The following ANK2 variants were observed in gnomAD, a reference collection of about 807,000 sequenced individuals.
ANK2 encodes the protein ankyrin-2.
Under a neutral mutation model 360.5 loss-of-function variants are expected in ANK2, and 83 were observed. The ratio of observed to expected loss-of-function variants is 0.23; its 90% CI spans 0.19 to 0.28. The LOEUF is 0.28. Among genes scored for constraint, ANK2 ranks in the 10% least tolerant of loss-of-function variants. The pLI is 1.00. For missense variants in ANK2, 4,201 were observed against 4,795.7 expected, an observed-to-expected ratio of 0.88 and a Z score of 3.66; for synonymous variants, 1,740 against 1,759.5, an observed-to-expected ratio of 0.99 and a Z score of 0.28.
intron 1 of ANK2, among the ~76,000 whole-genome samples, chr4:113,074,034 C>T (rs184181429): frequency 4.6e-5 from 7 of 152,122 alleles, no homozygotes; most frequent in African/African-American, 9.6e-5. Flanking sequence ...ACAGAGTGAA[C>T]GTTTGATGGC....
At position 113,355,013 on chromosome 4, in the gene ANK2, C is replaced by T; in HGVS notation, c.6395C>T (p.Thr2132Ile). 1.2e-6 allele frequency: 2 copies of T among 1,614,020 alleles called. No individual in the cohort carries two copies. Among genetic ancestry groups the T allele is most frequent in the Non-Finnish European group, 1.7e-6 (2 of 1,179,978 alleles). ...CTACAGATCAGCCCAGATAGGAAAACCTCCACTGACTTCTCTGAGGTCATT... is the reference window on the plus strand; with the variant it reads ...CTACAGATCAGCCCAGATAGGAAAATCTCCACTGACTTCTCTGAGGTCATT... The part of the protein sequence containing the change: ...MDLQISPDRK[T>I]STDFSEVIKQ... The change falls in exon 38 of 46, where the codon ACC becomes ATC. Residue 2132 changes from threonine (T) to isoleucine (I), a missense_variant. Physicochemically the swap from Thr to Ile is moderately conservative, Grantham distance 89. Around this residue, in one of 4 missense-constraint regions of ANK2, gnomAD observed 2,642 missense variants for 2,714.5 expected, o/e 0.97. Transcript: ENST00000357077.
chr4:113,181,012 C>A (rs1324863588), intron 2 of ANK2, among the ~76,000 whole-genome samples: 1 of 152,148 alleles, frequency 6.6e-6, no homozygotes, highest in Non-Finnish European at 1.5e-5. Context: ...TAACACCTGT[C>A]TAATATTTTG....
At position 113,277,850 on chromosome 4, in the gene ANK2, C is replaced by T. The variant is rs2153698360; in HGVS notation, c.1697C>T (p.Pro566Leu). 6.2e-7 allele frequency: 1 copy of T among 1,613,318 alleles called. No individual in the cohort carries two copies. The highest frequency in any genetic ancestry group is 8.5e-7 in the Non-Finnish European group (1 of 1,179,316). The change falls in exon 16 of 46, where the codon CCC (proline) becomes CTC (leucine). Residue 566 changes from proline (P) to leucine (L), a missense_variant. Around this residue, in one of 4 missense-constraint regions of ANK2, gnomAD observed 1,268 missense variants for 1,650.8 expected, o/e 0.77. Transcript: ENST00000357077. ...HSLATKKGFT[P>L]LHVAAKYGSL... ...TCACATTTTCAGAAGGGTTTTACTC[C>T]CCTGCATGTAGCAGCCAAGTATGGA... is the stretch of plus-strand genomic sequence containing the variant.
chr4:112,788,644 C>T, the ANK2 span: 167 of 1,601,662 alleles, frequency 1.0e-4, no homozygotes, highest in Non-Finnish European at 1.3e-4. Context: ...TGGTTAATCG[C>T]AGGAGGCACT....
intron 2 of ANK2, among the ~76,000 whole-genome samples, chr4:112,993,273 C>A (rs555097746): frequency 2.6e-5 from 4 of 151,890 alleles, no homozygotes; most frequent in Admixed American, 2.0e-4. Context: ...CAGAGCAAGA[C>A]CCTGTCTCAA....
Position 113,356,645 on chromosome 4 carries a change from G to T in ANK2, c.8027G>T (p.Gly2676Val). Residue 2676 changes from glycine (G) to valine (V), a missense_variant, in exon 38 of 46, where the codon GGT becomes GTT. Physicochemically the swap from Gly to Val is moderately radical, Grantham distance 109. This residue lies in a region of ANK2 where 2,642 missense variants were observed against 2,714.5 expected (regional missense o/e 0.97). Transcript: ENST00000357077. The stretch of plus-strand genomic sequence containing the variant: ...CCTGAGTTGGCACAGCTTAAAAAAG[G>T]TGCTGACTCAGGCCTTTTACCAGAA... ...SEPELAQLKK[G>V]ADSGLLPEPV... 1 of 1,614,076 alleles carries T rather than the reference G, an allele frequency of 6.2e-7. No individual in the cohort carries two copies. The highest frequency in any genetic ancestry group is 8.5e-7 in the Non-Finnish European group (1 of 1,179,952).
At chr4:112,783,931 G>A in the ANK2 span, among the ~76,000 whole-genome samples, 19 of 152,172 alleles carry the variant, frequency 1.2e-4, no homozygotes, top group African/African-American at 4.3e-4. Flanking sequence ...TTACAGGCGT[G>A]AGCCACCGCG....
At chr4:113,297,927 G>A (rs916687810) in intron 22 of ANK2, among the ~76,000 whole-genome samples, 3 of 151,844 alleles carry the variant, frequency 2.0e-5, no homozygotes, top group Non-Finnish European at 2.9e-5. Flanking sequence ...GTAGTAGGTG[G>A]GCAGGTGCCA....
At chr4:113,339,377 C>A (rs1177257134) in intron 32 of ANK2, 55 bp downstream of exon 32, 2 of 1,404,338 alleles carry the variant, frequency 1.4e-6, no homozygotes, top group African/African-American at 1.4e-5. Flanking sequence ...TCCAAAAAAA[C>A]TGCCCTTTGT....
chr4:113,364,494 C>A (rs906402653), intron 40 of ANK2, among the ~76,000 whole-genome samples: 8 of 152,148 alleles, frequency 5.3e-5, no homozygotes, highest in Non-Finnish European at 1.0e-4. Context: ...TTACTCAAAC[C>A]CTAATATTTT....
In ANK2 at chr4:113,199,079, G is replaced by C. The variant is rs1210706655; in HGVS notation, c.354G>C (p.Lys118Asn). Reference protein sequence around the residue: ...GQAEVVKVLVKEGANINAQSQ... With the variant: ...GQAEVVKVLVNEGANINAQSQ... Reference sequence around the variant, plus strand: ...CAGAAGTTGTCAAAGTTCTTGTTAAGGAAGGAGCCAATATTAATGCACAGT... The same window carrying C: ...CAGAAGTTGTCAAAGTTCTTGTTAACGAAGGAGCCAATATTAATGCACAGT... The change falls in exon 4 of 46, where the codon AAG becomes AAC. Residue 118 changes from lysine to asparagine, a missense_variant. Physicochemically the swap from Lys to Asn is moderately conservative, Grantham distance 94 (BLOSUM62 0). Around this residue, in one of 4 missense-constraint regions of ANK2, gnomAD observed 169 missense variants for 191.1 expected, o/e 0.88. Transcript: ENST00000357077. The C allele has an allele frequency of 3.1e-6, 5 of 1,612,678 alleles. No homozygotes were observed. The highest frequency in any genetic ancestry group is 4.2e-6 in the Non-Finnish European group (5 of 1,179,018).
Position 112,989,029 on chromosome 4 carries a change from T to A in ANK2, c.21+84515T>A, listed in dbSNP as rs543675338. On this transcript the variant is annotated intron_variant, in intron 2 of 30. Transcript: ENST00000503271. ...CTTTAATTTTGTGTAGATATATCTC[T>A]AAGTTGTGTTCTTCTTGAAACAGAT... Among the ~76,000 whole-genome samples the A allele has an allele frequency of 1.7e-3, 252 of 152,274 alleles. 2 individuals carry two copies. The highest frequency in any genetic ancestry group is 2.9e-3 in the Admixed American group (45 of 15,292).
At chr4:113,326,996 C>A (rs1214714350) in intron 26 of ANK2, among the ~76,000 whole-genome samples, 2 of 151,996 alleles carry the variant, frequency 1.3e-5, no homozygotes, top group African/African-American at 2.4e-5. Flanking sequence ...AGAGTAAGAC[C>A]CTCTCTCAAG....
At chr4:113,297,793 C>CT (rs150267993) in intron 22 of ANK2, among the ~76,000 whole-genome samples, 6,190 of 150,616 alleles carry the variant, frequency 0.041, 298 homozygotes, top group East Asian at 0.26. Context: ...CCTTTTCTTT[C>CT]TTTTTTTTTG....
chr4:113,229,067 A>G (rs1319620670), intron 4 of ANK2, among the ~76,000 whole-genome samples: 3 of 152,182 alleles, frequency 2.0e-5, no homozygotes, highest in Admixed American at 6.5e-5. Flanking sequence ...ACCTGCACAT[A>G]TTCAAGCTTT....
chr4:113,029,522 C>T lies in ANK2; in HGVS notation c.21+125008C>T, dbSNP rs541396361. On this transcript the variant is annotated intron_variant, in intron 2 of 30. Transcript: ENST00000503271. ...CTGGGATTACAGGCGTGAGCCACTG[C>T]GCAGCCAGATTTGGGTATTTTTAAA... is the stretch of plus-strand genomic sequence containing the variant. Among the ~76,000 whole-genome samples, 11 of 152,168 alleles carry T rather than the reference C, an allele frequency of 7.2e-5. No homozygotes were observed. In the East Asian group the frequency reaches 2.1e-3, roughly 29 times the overall value.
chr4:112,992,253 C>T (rs893527467), intron 2 of ANK2, among the ~76,000 whole-genome samples: 4 of 151,996 alleles, frequency 2.6e-5, no homozygotes, highest in South Asian at 2.1e-4. Context: ...AAGCAGTTCT[C>T]CTGCCTCAGT....
rs116211308 is a variant in ANK2, at chr4:113,149,360, C to T, written c.85-25056C>T. Among the ~76,000 whole-genome samples, 347 of 152,234 alleles carry T rather than the reference C, an allele frequency of 2.3e-3. 1 individual carries two copies. Among genetic ancestry groups the T allele is most frequent in the African/African-American group, 8.0e-3 (332 of 41,556 alleles). On this transcript the variant is annotated intron_variant, in intron 1 of 45. Transcript: ENST00000357077. ...AGTATGTCAAAAGAGTTGAGTTAAACTTTCCTTCAGTTTTGAACTCTAAAA... is the reference window on the plus strand; with the variant it reads ...AGTATGTCAAAAGAGTTGAGTTAAATTTTCCTTCAGTTTTGAACTCTAAAA...
At chr4:112,759,998 C>G in the ANK2 span, among the ~76,000 whole-genome samples, 1 of 152,074 alleles carries the variant, frequency 6.6e-6, no homozygotes, top group East Asian at 1.9e-4. Context: ...GATGTAGAAA[C>G]TGAGATCTAA....
Sources: gnomAD v4.1 joint callset for allele counts (sites outside exome capture counted in the v4.1 genomes callset) on GRCh38, gnomAD v4.1.1 for gene constraint, gnomAD v4.1.1 regional missense constraint, MANE v1.5 for transcripts, NCBI Gene and HGNC (gene_info 2026-07-23, HGNC 2026-07-21) for gene names.